DNAJB6: variants seen among roughly 807,000 people sequenced by gnomAD.
The protein encoded by DNAJB6 is DnaJ heat shock protein family (Hsp40) member B6.
A neutral mutation model predicts 42.7 loss-of-function variants in DNAJB6; 16 were observed. The ratio of observed to expected loss-of-function variants is 0.37; its 90% CI spans 0.25 to 0.57. The LOEUF (loss-of-function observed/expected upper bound fraction) is 0.57, where lower values mean the gene tolerates loss of function less well. Among genes scored for constraint, DNAJB6 ranks in the 20% least tolerant of loss-of-function variants. The pLI is 0.74. For synonymous variants in DNAJB6, 170 were observed against 163.5 expected, an observed-to-expected ratio of 1.04 and a Z score of -0.30; for missense variants, 347 against 416.8, an observed-to-expected ratio of 0.83 and a Z score of 1.46.
chr7:157,348,013 C>CT (rs1798775232), intron 1 of DNAJB6, among the ~76,000 whole-genome samples: 1 of 151,782 alleles, frequency 6.6e-6, no homozygotes, highest in African/African-American at 2.4e-5. Context: ...TCAGGCTGGT[C>CT]TTGAACTCTT....
chr7:157,354,204 A>G (rs773549148), intron 1 of DNAJB6, among the ~76,000 whole-genome samples: 14 of 151,920 alleles, frequency 9.2e-5, no homozygotes, highest in East Asian at 1.9e-4. Flanking sequence ...CTGGAGTGCA[A>G]TGGTGCGATC....
At chr7:157,349,326 G>A (rs1798852488) in intron 1 of DNAJB6, among the ~76,000 whole-genome samples, 1 of 152,136 alleles carries the variant, frequency 6.6e-6, no homozygotes, top group Admixed American at 6.6e-5. Flanking sequence ...CATTAGGAAG[G>A]CTTTGATTGG....
At chr7:157,387,832 TTTTGTTTGTTTG>T (rs372553414) in intron 8 of DNAJB6, among the ~76,000 whole-genome samples, 62 of 151,942 alleles carry the variant, frequency 4.1e-4, no homozygotes, top group African/African-American at 1.4e-3. Context: ...AAAACTACTG[TTTTGTTTGTTTG>T]TTTGTTTGTT....
chr7:157,395,235 G>T (rs547756751), intron 8 of DNAJB6, among the ~76,000 whole-genome samples: 59 of 152,350 alleles, frequency 3.9e-4, no homozygotes, highest in African/African-American at 1.3e-3. Context: ...GGCTGGGGGG[G>T]GGTTGGTGCT....
intron 8 of DNAJB6, among the ~76,000 whole-genome samples, chr7:157,390,195 A>G (rs1801271137): frequency 6.6e-6 from 1 of 152,034 alleles, no homozygotes; most frequent in Admixed American, 6.5e-5. Flanking sequence ...AGTGTAGAGC[A>G]GAGGCTTACT....
At chr7:157,388,836 C>T (rs1801207127) in intron 8 of DNAJB6, among the ~76,000 whole-genome samples, 2 of 152,108 alleles carry the variant, frequency 1.3e-5, no homozygotes. Flanking sequence ...TGTAGCTCCC[C>T]ACCCCGTTGG....
At chr7:157,371,421 C>T (rs558282220) in intron 5 of DNAJB6, among the ~76,000 whole-genome samples, 5 of 152,384 alleles carry the variant, frequency 3.3e-5, no homozygotes, top group Admixed American at 3.3e-4. Context: ...ATGTTGGACA[C>T]ATGGTATGCA....
chr7:157,357,592 T>C (rs1799375584), intron 1 of DNAJB6, among the ~76,000 whole-genome samples: 1 of 151,956 alleles, frequency 6.6e-6, no homozygotes, highest in South Asian at 2.1e-4. Context: ...ATTACAGGTG[T>C]GAGCCACGCG....
chr7:157,395,822 C>A lies in DNAJB6; in HGVS notation c.691+10211C>A, dbSNP rs530424448. Among the ~76,000 whole-genome samples, 131 of 150,632 alleles carry A rather than the reference C, an allele frequency of 8.7e-4. 2 individuals are homozygous for A. The highest frequency in any genetic ancestry group is 4.2e-3 in the Admixed American group (63 of 15,046). On this transcript the variant is annotated intron_variant, in intron 8 of 9. Transcript: ENST00000262177. Reference sequence around the variant, plus strand: ...CCTGTGCCACCACACCCGGCTAATTCTTTTTATATTTTCAGTAGAGACAGA... The same window carrying A: ...CCTGTGCCACCACACCCGGCTAATTATTTTTATATTTTCAGTAGAGACAGA...
At position 157,404,329 on chromosome 7, in the gene DNAJB6, CAGTT is replaced by C. The variant is rs369257483; in HGVS notation, c.692-5463_692-5460del. Among the ~76,000 whole-genome samples the C allele has an allele frequency of 5.5e-3, 783 of 143,054 alleles. 3 individuals are homozygous for C. Among genetic ancestry groups the C allele is most frequent in the African/African-American group, 0.019 (745 of 38,466 alleles). 93.8% of individuals were successfully genotyped at this position (143,054 alleles called of 152,430 possible). ...TTTTTGAGACAAAGTCTTAATCTGT[CAGTT>C]AGGCTGGAGTGCAGTGGTGCGATCA... On this transcript the variant is annotated intron_variant, in intron 8 of 9. Transcript: ENST00000262177.
In DNAJB6 at chr7:157,357,289, T is replaced by TC. The variant is rs1563118436; in HGVS notation, c.-26-1256dup. On this transcript the variant is annotated intron_variant, in intron 1 of 9. Transcript: ENST00000262177. ...GTCCTTCCTTCCGTCCTTCCTTCCG[T>TC]CCTTCCTTCCTTCCTTCCTTCCTTC... Among the ~76,000 whole-genome samples the TC allele has an allele frequency of 2.8e-4, 13 of 46,902 alleles. 3 individuals are homozygous for TC. The South Asian group carries it at 6.8e-3, about 25-fold the overall frequency. The allele number at this position is 46,902 out of a possible 152,430, so 30.8% of individuals were successfully genotyped here. A position where few individuals can be genotyped will look rare whatever the true frequency, so the allele number is the denominator to read the frequency against.
intron 8 of DNAJB6, among the ~76,000 whole-genome samples, chr7:157,398,966 G>T (rs1801722943): frequency 6.6e-6 from 1 of 152,192 alleles, no homozygotes; most frequent in African/African-American, 2.4e-5. Flanking sequence ...GTATTACATG[G>T]AAAGTTTTAA....
chr7:157,378,008 T>C (rs1467312193), intron 5 of DNAJB6: 2 of 152,166 alleles, frequency 1.3e-5, no homozygotes, highest in African/African-American at 4.8e-5. Flanking sequence ...TAATAGGCAA[T>C]ATGTGTGTAT....
chr7:157,339,252 G>T (rs1798212687), intron 1 of DNAJB6, among the ~76,000 whole-genome samples: 2 of 144,802 alleles, frequency 1.4e-5, no homozygotes, highest in Non-Finnish European at 3.0e-5. Flanking sequence ...ATCCAGGTCT[G>T]AGGTGGGGGT....
intron 6 of DNAJB6, 183 bp downstream of exon 6, chr7:157,382,560 C>A: frequency 2.3e-6 from 1 of 426,960 alleles, no homozygotes; most frequent in Non-Finnish European, 3.9e-6. Flanking sequence ...TCCTAATCTT[C>A]CTAAGAATGT....
At chr7:157,411,904 G>A (rs1253871146) in intron 9 of DNAJB6, 1 of 152,248 alleles carries the variant, frequency 6.6e-6, no homozygotes, top group Non-Finnish European at 1.5e-5. Flanking sequence ...TTTCTGAGTG[G>A]GGAGAACTGG....
intron 8 of DNAJB6, among the ~76,000 whole-genome samples, chr7:157,387,264 G>GAAC (rs767969138): frequency 6.6e-6 from 1 of 152,196 alleles, no homozygotes; most frequent in Non-Finnish European, 1.5e-5. Context: ...AGTACAAGAA[G>GAAC]AACAACGAGT....
chr7:157,370,760 A>C (rs755742170), intron 5 of DNAJB6: 1 of 152,614 alleles, frequency 6.6e-6, no homozygotes, highest in Non-Finnish European at 1.5e-5. Flanking sequence ...TTCCGTTCTT[A>C]TAGGTGTTCT....
At chr7:157,413,252 A>C (rs1389284716) in intron 9 of DNAJB6, 4 of 152,250 alleles carry the variant, frequency 2.6e-5, no homozygotes, top group Non-Finnish European at 5.9e-5. Flanking sequence ...TATCAAGAAC[A>C]CGTAACTGTT....
Sources: gnomAD v4.1 joint callset for allele counts (sites outside exome capture counted in the v4.1 genomes callset) on GRCh38, gnomAD v4.1.1 for gene constraint, MANE v1.5 for transcripts, NCBI Gene and HGNC (gene_info 2026-07-23, HGNC 2026-07-21) for gene names.